Variants in GNA15 observed in about 807,000 individuals in gnomAD.
GNA15 encodes G protein subunit alpha 15.
Under a neutral mutation model 40.1 loss-of-function variants are expected in GNA15, and 23 were observed. The observed-to-expected ratio is 0.57, with a 90% CI of 0.41 to 0.81. The LOEUF (loss-of-function observed/expected upper bound fraction) is 0.81, where lower values mean the gene tolerates loss of function less well. Among genes scored for constraint, GNA15 ranks in the 40% least tolerant of loss-of-function variants. GNA15 has a pLI of 0.00. For missense variants in GNA15, 522 were observed against 515.8 expected (o/e 1.01, Z -0.12); for synonymous variants, 226 against 210.4 (o/e 1.07, Z -0.64).
intron 1 of GNA15, among the ~76,000 whole-genome samples, chr19:3,140,085 A>ATCTATG (rs1914547332): frequency 6.6e-6 from 1 of 150,998 alleles, no homozygotes. Context: ...CTATCTATCT[A>ATCTATG]TATTTGACAT....
chr19:3,149,992 G>T (rs170159), intron 2 of GNA15, 139 bp from the exon 3 acceptor site: 1 of 670,186 alleles, frequency 1.5e-6, no homozygotes, highest in Non-Finnish European at 2.5e-6. Context: ...GTGCGGGGGG[G>T]TCGGGAGCTC....
At chr19:3,145,361 T>A (rs866760496) in intron 1 of GNA15, among the ~76,000 whole-genome samples, 45 of 28,144 alleles carry the variant, frequency 1.6e-3, no homozygotes, top group East Asian at 2.7e-3. Context: ...ATATATATAT[T>A]TTTTTTTTTT....
chr19:3,154,449 A>G (rs1436331520), intron 4 of GNA15, among the ~76,000 whole-genome samples: 6 of 141,748 alleles, frequency 4.2e-5, no homozygotes, highest in Admixed American at 4.2e-4. Context: ...AGATGGGTAG[A>G]TGGATGGATG....
chr19:3,161,812 C>G (rs903193559), intron 6 of GNA15, among the ~76,000 whole-genome samples: 14 of 152,038 alleles, frequency 9.2e-5, no homozygotes, highest in African/African-American at 2.9e-4. Flanking sequence ...GCGCGCAGAT[C>G]GCTTTAGGTC....
intron 2 of GNA15, chr19:3,149,758 T>G (rs909561723): frequency 1.2e-5 from 2 of 173,382 alleles, no homozygotes; most frequent in Non-Finnish European, 2.5e-5. Flanking sequence ...GAGGGGCAGA[T>G]TGCTTCAGTG....
chr19:3,136,579 G>A lies in GNA15; in HGVS notation c.129G>A (p.Leu43=). Residue 43 remains leucine, a synonymous_variant, in exon 1 of 7, where the codon CTG becomes CTA. Transcript: ENST00000262958. The surrounding 1 kb of genome is among the most constrained non-coding windows in gnomAD (Gnocchi z 4.9). ...AGAAGAAGCAGGACCGCGGGGAGCT[G>A]AAGCTGCTGCTTTTGGGTGAGTCCA... The part of the protein sequence containing the change: ...LEQKKQDRGE[L]KLLLLGPGES... 6.4e-7 allele frequency: 1 copy of A among 1,561,310 alleles called. No individual in the cohort carries two copies.
At position 3,149,882 on chromosome 19, in the gene GNA15, C is replaced by G. The variant is rs530741167; in HGVS notation, c.331-249C>G. ...GTGCCATGCTCCCCCTGAGCCTGGG[C>G]TCGCCCGAGCACATGTGCCCTCTGC... On this transcript the variant is annotated intron_variant, in intron 2 of 6. Coordinates refer to ENST00000262958, the MANE Select transcript of GNA15 (RefSeq NM_002068.4). The G allele has an allele frequency of 5.1e-5, 22 of 430,078 alleles. No homozygotes were observed. The Admixed American group carries it at 6.6e-4, about 13-fold the overall frequency. 26.6% of individuals were successfully genotyped at this position (430,078 alleles called of 1,614,324 possible). A position where few individuals can be genotyped will look rare whatever the true frequency, so the allele number is the denominator to read the frequency against.
At position 3,163,274 on chromosome 19, in the gene GNA15, C is replaced by T. The variant is rs148010334; in HGVS notation, c.*255C>T. On this transcript the variant is annotated 3_prime_UTR_variant, in exon 7 of 7. Transcript: ENST00000262958. ...AGGAGCAAAACGGCCATTTGGGATG[C>T]CAGGGTGGATGAAAAGGTGAAGAAA... The T allele has an allele frequency of 4.2e-4, 224 of 530,866 alleles. 1 individual carries two copies. The highest frequency in any genetic ancestry group is 3.7e-3 in the African/African-American group (195 of 52,684). The allele number at this position is 530,866 out of a possible 1,614,324, so 32.9% of individuals were successfully genotyped here. A position where few individuals can be genotyped will look rare whatever the true frequency, so the allele number is the denominator to read the frequency against.
At chr19:3,145,808 A>C (rs1914709129) in intron 1 of GNA15, among the ~76,000 whole-genome samples, 1 of 150,566 alleles carries the variant, frequency 6.6e-6, no homozygotes, top group African/African-American at 2.4e-5. Flanking sequence ...TCAGCCTCCC[A>C]AAGTGCGGAG....
chr19:3,148,808 AGGCAGGGGCCCAG>A, intron 2 of GNA15, 33 bp downstream of exon 2: 2 of 1,554,646 alleles, frequency 1.3e-6, no homozygotes, highest in African/African-American at 1.4e-5. Flanking sequence ...GGCCCAGGGC[AGGCAGGGGCCCAG>A]GGCAGGGTTC....
chr19:3,151,398 C>A lies in GNA15; in HGVS notation c.486-309C>A, dbSNP rs1914877755. Among the ~76,000 whole-genome samples, 2 of 152,090 alleles carry A rather than the reference C, an allele frequency of 1.3e-5. No homozygotes were observed. Among genetic ancestry groups the A allele is most frequent in the South Asian group, 4.1e-4 (2 of 4,836 alleles). On this transcript the variant is annotated intron_variant, in intron 3 of 6. Coordinates refer to ENST00000262958, the MANE Select transcript of GNA15 (RefSeq NM_002068.4). This position sits in a 1 kb window ranked among gnomAD's most constrained non-coding sequence, Gnocchi z 5.0. Reference sequence around the variant, plus strand: ...GTCTGGGAAGACTGTTCCCAGGCTACCAGCATTCTTGGGGTAGCGCCACCC... The same window carrying A: ...GTCTGGGAAGACTGTTCCCAGGCTAACAGCATTCTTGGGGTAGCGCCACCC...
chr19:3,148,715 G>C lies in GNA15; in HGVS notation c.270G>C (p.Met90Ile). The C allele has an allele frequency of 1.9e-6, 3 of 1,603,536 alleles. No homozygotes were observed. The highest frequency in any genetic ancestry group is 2.6e-6 in the Non-Finnish European group (3 of 1,175,580). Residue 90 changes from methionine (M) to isoleucine (I), a missense_variant, in exon 2 of 7, where the codon ATG becomes ATC. By Grantham distance (10) the Met-to-Ile change is conservative. Coordinates refer to ENST00000262958, the MANE Select transcript of GNA15 (RefSeq NM_002068.4). The part of the protein sequence containing the change: ...PLVYQNIFVS[M>I]RAMIEAMERL... Reference sequence around the variant, plus strand: ...TCTACCAGAACATCTTCGTGTCCATGCGGGCCATGATCGAGGCCATGGAGC... The same window carrying C: ...TCTACCAGAACATCTTCGTGTCCATCCGGGCCATGATCGAGGCCATGGAGC...
chr19:3,142,487 G>A (rs925030396), intron 1 of GNA15: 1 of 151,276 alleles, frequency 6.6e-6, no homozygotes, highest in Non-Finnish European at 1.5e-5. Context: ...AAAGCCAACT[G>A]TTGCTTGCCA....
rs190611924 is a variant in GNA15 at position 3,144,568 on chromosome 19, A to G, written c.146-4023A>G. Among the ~76,000 whole-genome samples, 101 of 151,976 alleles carry G rather than the reference A, an allele frequency of 6.6e-4. No homozygotes were observed. The East Asian group carries it at 7.1e-3, about 11-fold the overall frequency. On this transcript the variant is annotated intron_variant, in intron 1 of 6. Transcript: ENST00000262958. ...TTTTGAGTCGGAGTCTCGCTCTGTC[A>G]CCCAGGCTGGAGTGCAGTGGCATGA...
intron 1 of GNA15, among the ~76,000 whole-genome samples, chr19:3,147,135 C>T (rs950793575): frequency 2.2e-4 from 33 of 152,286 alleles, no homozygotes; most frequent in African/African-American, 7.2e-4. Context: ...TCCTTGACTG[C>T]GTGGCTATCG....
chr19:3,163,072 T>C lies in GNA15; in HGVS notation c.*53T>C. Reference sequence around the variant, plus strand: ...CCGGCGGGCGGGTGGGAGGTGGGAGTGGCTGCAGGGACCCCTAGTGTCCCT... The same window carrying C: ...CCGGCGGGCGGGTGGGAGGTGGGAGCGGCTGCAGGGACCCCTAGTGTCCCT... On this transcript the variant is annotated 3_prime_UTR_variant, in exon 7 of 7. Transcript: ENST00000262958. 8.6e-7 allele frequency: 1 copy of C among 1,157,352 alleles called. No individual in the cohort carries two copies. The highest frequency in any genetic ancestry group is 1.3e-6 in the Non-Finnish European group (1 of 770,008). 71.7% of individuals were successfully genotyped at this position (1,157,352 alleles called of 1,614,324 possible).
At chr19:3,156,223 T>TGC (rs59698039) in intron 5 of GNA15, among the ~76,000 whole-genome samples, 2 of 94,246 alleles carry the variant, frequency 2.1e-5, no homozygotes, top group Admixed American at 1.0e-4. Context: ...CACACGCACA[T>TGC]ACACAATGCA....
chr19:3,159,346 CTTTTTT>C (rs112224395), intron 6 of GNA15, among the ~76,000 whole-genome samples: 8 of 115,136 alleles, frequency 6.9e-5, no homozygotes, highest in African/African-American at 2.8e-4. Flanking sequence ...AATTTCTTTT[CTTTTTT>C]TTTTTTTTTT....
chr19:3,138,793 G>C (rs1384192965), intron 1 of GNA15, among the ~76,000 whole-genome samples: 1 of 102,090 alleles, frequency 9.8e-6, no homozygotes, highest in Non-Finnish European at 1.9e-5. Flanking sequence ...ACCACGCCCA[G>C]TTAATTTTTT....
Sources: allele counts gnomAD v4.1 joint callset (sites outside exome capture counted in the v4.1 genomes callset), GRCh38; gene constraint gnomAD v4.1.1; non-coding constraint Gnocchi (gnomAD v3.1); transcripts MANE v1.5; gene names NCBI Gene and HGNC (gene_info 2026-07-23, HGNC 2026-07-21).